MGAT5: variants seen among roughly 807,000 people sequenced by gnomAD.
The protein encoded by MGAT5 is alpha-1,6-mannosylglycoprotein 6-beta-N-acetylglucosaminyltransferase, also known as alpha-1,6-mannosylglycoprotein 6-beta-N-acetylglucosaminyltransferase A.
Under a neutral mutation model 94.3 loss-of-function variants are expected in MGAT5, and 30 were observed. The observed-to-expected ratio is 0.32, with a 90% confidence interval of 0.24 to 0.43. The LOEUF is 0.43. Among genes scored for constraint, MGAT5 ranks in the 20% least tolerant of loss-of-function variants. The pLI, the probability that MGAT5 is intolerant of heterozygous loss-of-function variation, is 1.00. For missense variants in MGAT5, 691 were observed against 905.5 expected (o/e 0.76, Z 3.04); for synonymous variants, 310 against 322.9 (o/e 0.96, Z 0.43).
chr2:134,142,428 G>A (rs1341558034), intron 1 of MGAT5, among the ~76,000 whole-genome samples: 3 of 152,242 alleles, frequency 2.0e-5, no homozygotes, highest in African/African-American at 4.8e-5. Context: ...TTTGACCATA[G>A]TGACAACACT....
chr2:134,179,805 C>T (rs550539913), intron 1 of MGAT5, among the ~76,000 whole-genome samples: 1 of 152,278 alleles, frequency 6.6e-6, no homozygotes, highest in South Asian at 2.1e-4. Flanking sequence ...GGCTGCATTT[C>T]CAGGAGGCAG....
At chr2:134,367,683 G>C (rs1166062011) in intron 10 of MGAT5, among the ~76,000 whole-genome samples, 1 of 152,228 alleles carries the variant, frequency 6.6e-6, no homozygotes, top group Non-Finnish European at 1.5e-5. Flanking sequence ...CAGGGTTCTT[G>C]ATTGTATTCT....
At chr2:134,319,140 C>G (rs896891713) in intron 4 of MGAT5, among the ~76,000 whole-genome samples, 3 of 152,124 alleles carry the variant, frequency 2.0e-5, no homozygotes, top group Non-Finnish European at 4.4e-5. Flanking sequence ...ACTAACTCCC[C>G]CTTAAGACCC....
chr2:134,406,533 C>T (rs1443120423), intron 11 of MGAT5, among the ~76,000 whole-genome samples: 1 of 152,136 alleles, frequency 6.6e-6, no homozygotes, highest in Non-Finnish European at 1.5e-5. Context: ...GACTGTGCCA[C>T]CCTGCCCCCC....
At chr2:134,419,120 C>T (rs561588467) in intron 12 of MGAT5, among the ~76,000 whole-genome samples, 13 of 152,230 alleles carry the variant, frequency 8.5e-5, no homozygotes, top group Admixed American at 2.6e-4. Context: ...ACAAATCTTT[C>T]ATATTAAGTA....
upstream of MGAT5, among the ~76,000 whole-genome samples, chr2:134,249,581 A>T (rs1682471178): frequency 6.6e-6 from 1 of 152,206 alleles, no homozygotes; most frequent in Admixed American, 6.5e-5. Context: ...TAATCAGTTC[A>T]TTCCTTTTTA....
intron 4 of MGAT5, among the ~76,000 whole-genome samples, chr2:134,335,870 C>G (rs1170339173): frequency 2.6e-5 from 4 of 152,180 alleles, no homozygotes; most frequent in Admixed American, 1.3e-4. Flanking sequence ...CATTCTCATT[C>G]CCCAGTGGCA....
intron 1 of MGAT5, among the ~76,000 whole-genome samples, chr2:134,260,086 C>T (rs1683223999): frequency 1.5e-5 from 2 of 137,836 alleles, no homozygotes; most frequent in South Asian, 4.8e-4. Flanking sequence ...AGGCCTACTC[C>T]AGGGTAGAAG....
At position 134,271,392 on chromosome 2, in the gene MGAT5, A is replaced by C. The variant is rs545934743; in HGVS notation, c.406+842A>C. Among the ~76,000 whole-genome samples, 16 of 152,316 alleles carry C rather than the reference A, an allele frequency of 1.1e-4. No individual in the cohort carries two copies. The South Asian group carries it at 2.5e-3, about 24-fold the overall frequency. On this transcript the variant is annotated intron_variant, in intron 2 of 15. Coordinates refer to ENST00000281923, the MANE Select transcript of MGAT5 (RefSeq NM_002410.5). Reference sequence around the variant, plus strand: ...TGCTTTGGGTGAATGGTTGTGAACAAGCTGTCTATACTTTTGGTGGGTGGT... The same window carrying C: ...TGCTTTGGGTGAATGGTTGTGAACACGCTGTCTATACTTTTGGTGGGTGGT...
intron 1 of MGAT5, among the ~76,000 whole-genome samples, chr2:134,158,551 T>C (rs922292435): frequency 6.6e-6 from 1 of 152,144 alleles, no homozygotes; most frequent in Non-Finnish European, 1.5e-5. Context: ...CTGTGGGGGC[T>C]GGGGGTGCTA....
chr2:134,332,689 T>A (rs1688050576), intron 4 of MGAT5, among the ~76,000 whole-genome samples: 1 of 152,026 alleles, frequency 6.6e-6, no homozygotes, highest in African/African-American at 2.4e-5. Flanking sequence ...AACCTACTCA[T>A]CTGACAAAGG....
intron 1 of MGAT5, among the ~76,000 whole-genome samples, chr2:134,174,300 C>T (rs557759287): frequency 6.6e-6 from 1 of 152,344 alleles, no homozygotes; most frequent in African/African-American, 2.4e-5. Context: ...TGAAAGCCAC[C>T]TCAGTGGATC....
At position 134,435,985 on chromosome 2, in the gene MGAT5, G is replaced by T. The variant is rs1574095608; in HGVS notation, c.1870-5773G>T. Among the ~76,000 whole-genome samples the T allele has an allele frequency of 5.3e-5, 8 of 152,318 alleles. No individual in the cohort carries two copies. In the South Asian group the frequency reaches 1.7e-3, roughly 32 times the overall value. The stretch of plus-strand genomic sequence containing the variant: ...GCCCTAAAAGCAGCTGGGCCAAAAG[G>T]TGGATCTTGTGGATGTAGGTGAATT... On this transcript the variant is annotated intron_variant, in intron 14 of 15. Transcript: ENST00000281923.
At chr2:134,414,173 T>TG (rs1683834189) in intron 12 of MGAT5, among the ~76,000 whole-genome samples, 1 of 151,522 alleles carries the variant, frequency 6.6e-6, no homozygotes, top group Admixed American at 6.6e-5. Context: ...TTTTTTTTTT[T>TG]TCCTTCTGCT....
In MGAT5 at chr2:134,448,995, T is replaced by C. The variant is rs781446455; in HGVS notation, c.*148T>C. ...GGTTCTGAATTGGCATTGCCCTTGC[T>C]GCACTCCGAGCAACCCAGTGGAGTC... is the stretch of plus-strand genomic sequence containing the variant. On this transcript the variant is annotated 3_prime_UTR_variant, in exon 16 of 16. Transcript: ENST00000281923. 1.0e-4 allele frequency: 79 copies of C among 764,850 alleles called. No individual in the cohort carries two copies. Among genetic ancestry groups the C allele is most frequent in the Non-Finnish European group, 1.5e-4 (71 of 478,316 alleles). 47.4% of individuals were successfully genotyped at this position (764,850 alleles called of 1,614,324 possible).
intron 1 of MGAT5, among the ~76,000 whole-genome samples, chr2:134,152,454 T>G (rs938721380): frequency 4.3e-5 from 4 of 93,712 alleles, no homozygotes; most frequent in African/African-American, 8.0e-5. Context: ...ATGGGACCCG[T>G]CCACTGCCAT....
At chr2:134,258,656 G>T (rs1371692443) in intron 1 of MGAT5, among the ~76,000 whole-genome samples, 3 of 152,218 alleles carry the variant, frequency 2.0e-5, no homozygotes. Context: ...TTTCACGCCT[G>T]TGTTTGGATT....
Position 134,338,293 on chromosome 2 carries a change from G to A in MGAT5, c.680G>A (p.Ser227Asn). The change falls in exon 6 of 16, where the codon AGT becomes AAT. Residue 227 changes from serine (S) to asparagine (N), a missense_variant. By Grantham distance (46) the Ser-to-Asn change is conservative. Transcript: ENST00000281923. ...CGTACAGATTTTAATATTCTCTACA[G>A]TATGATGAAAAAGCATGAAGAATTC... ...EIRTDFNILY[S>N]MMKKHEEFRW... 1 of 1,612,840 alleles carries A rather than the reference G, an allele frequency of 6.2e-7. No individual in the cohort carries two copies. Among genetic ancestry groups the A allele is most frequent in the Non-Finnish European group, 8.5e-7 (1 of 1,179,364 alleles).
rs376546218 is a variant in MGAT5 at position 134,133,166 on chromosome 2, C to T, written c.-143+12875C>T. On this transcript the variant is annotated intron_variant, in intron 1 of 16. Transcript: ENST00000409645. ...TTACACCACCTTTCTGGCAGCTGGG[C>T]CTTATTGCCACATTTCTGAATTAGG... Among the ~76,000 whole-genome samples, 45 of 152,270 alleles carry T rather than the reference C, an allele frequency of 3.0e-4. No homozygotes were observed. In the South Asian group the frequency reaches 9.3e-3, roughly 32 times the overall value.
Sources: gnomAD v4.1 joint callset for allele counts (sites outside exome capture counted in the v4.1 genomes callset) on GRCh38, gnomAD v4.1.1 for gene constraint, MANE v1.5 for transcripts, NCBI Gene and HGNC (gene_info 2026-07-23, HGNC 2026-07-21) for gene names.